ARSG: variants seen among roughly 807,000 people sequenced by gnomAD.
ARSG encodes the protein arylsulfatase G, also known as ASG.
In ARSG, 37 loss-of-function variants were observed where a neutral mutation model predicts 50.5. The ratio of observed to expected loss-of-function variants is 0.73; its 90% CI spans 0.56 to 0.96. ARSG has a LOEUF of 0.96. Among genes scored for constraint, ARSG ranks in the 50% least tolerant of loss-of-function variants. The probability of loss-of-function intolerance (pLI) is 0.00; values close to 1 mark genes in which losing one functional copy is unlikely to be tolerated. For missense variants in ARSG, 629 were observed against 675.3 expected, an observed-to-expected ratio of 0.93 and a Z score of 0.76; for synonymous variants, 225 against 254.6, an observed-to-expected ratio of 0.88 and a Z score of 1.11.
intron 6 of ARSG, among the ~76,000 whole-genome samples, chr17:68,363,218 T>C (rs1368045388): frequency 1.3e-5 from 2 of 152,114 alleles, no homozygotes; most frequent in African/African-American, 4.8e-5. Flanking sequence ...GGCTTTGGAA[T>C]TGGATCTTAA....
chr17:68,301,521 C>T (rs1555761882), intron 1 of ARSG, among the ~76,000 whole-genome samples: 2 of 152,298 alleles, frequency 1.3e-5, no homozygotes, highest in South Asian at 2.1e-4. Flanking sequence ...TTGCTTGTCT[C>T]GCTCTAGCAC....
intron 2 of ARSG, among the ~76,000 whole-genome samples, chr17:68,333,487 G>C (rs1366015265): frequency 6.6e-6 from 1 of 152,050 alleles, no homozygotes; most frequent in African/African-American, 2.4e-5. Context: ...AATTAGCCGA[G>C]CATGGTGGTG....
chr17:68,343,514 G>C (rs1042868873), intron 2 of ARSG, 90 bp from the exon 3 acceptor site: 2 of 1,259,722 alleles, frequency 1.6e-6, no homozygotes, highest in Non-Finnish European at 2.2e-6. Context: ...TTTGAGCACT[G>C]AAATTGCAGG....
At chr17:68,313,344 A>C (rs1436729088) in intron 2 of ARSG, among the ~76,000 whole-genome samples, 6 of 152,158 alleles carry the variant, frequency 3.9e-5, no homozygotes, top group Non-Finnish European at 7.4e-5. Flanking sequence ...CAAGGTTATG[A>C]CTGAAGGCTC....
chr17:68,398,423 A>G (rs970104672), intron 10 of ARSG, among the ~76,000 whole-genome samples: 1 of 152,256 alleles, frequency 6.6e-6, no homozygotes, highest in Non-Finnish European at 1.5e-5. Context: ...ATATCAATAT[A>G]CACATACATA....
intron 1 of ARSG, chr17:68,268,414 A>T (rs1819775133): frequency 1.5e-5 from 2 of 135,042 alleles, no homozygotes; most frequent in Admixed American, 1.7e-4. Flanking sequence ...CTTCACATTT[A>T]TGAAGTTCAA....
chr17:68,308,778 T>G (rs2076715844), intron 2 of ARSG, among the ~76,000 whole-genome samples: 1 of 152,190 alleles, frequency 6.6e-6, no homozygotes, highest in South Asian at 2.1e-4. Context: ...CCGATTGGTG[T>G]ATTTACAATC....
intron 1 of ARSG, among the ~76,000 whole-genome samples, chr17:68,284,221 T>G (rs1448341249): frequency 6.7e-6 from 1 of 149,892 alleles, no homozygotes; most frequent in Non-Finnish European, 1.5e-5. Flanking sequence ...GCCAACATGG[T>G]GAAACCCGGT....
chr17:68,316,297 C>T (rs564866871), intron 2 of ARSG, among the ~76,000 whole-genome samples: 12 of 152,264 alleles, frequency 7.9e-5, no homozygotes, highest in African/African-American at 2.9e-4. Context: ...CCATGCACAT[C>T]TCCTACCCAT....
At chr17:68,326,754 T>G (rs2145938430) in intron 2 of ARSG, among the ~76,000 whole-genome samples, 1 of 152,280 alleles carries the variant, frequency 6.6e-6, no homozygotes, top group Non-Finnish European at 1.5e-5. Flanking sequence ...GGGGAGTTGA[T>G]GCCAAACGGG....
At chr17:68,264,721 G>A (rs1339042300) in intron 1 of ARSG, among the ~76,000 whole-genome samples, 1 of 152,066 alleles carries the variant, frequency 6.6e-6, no homozygotes, top group African/African-American at 2.4e-5. Flanking sequence ...ACAGGCGTGA[G>A]CCACTGCACC....
intron 11 of ARSG, among the ~76,000 whole-genome samples, chr17:68,415,283 GAT>G (rs2082296389): frequency 6.6e-6 from 1 of 152,158 alleles, no homozygotes; most frequent in Non-Finnish European, 1.5e-5. Flanking sequence ...TTGACTCAAT[GAT>G]CATTTAGGAG....
the ARSG span, chr17:68,440,657 A>C: frequency 6.6e-6 from 1 of 151,874 alleles, no homozygotes; most frequent in South Asian, 2.1e-4. Context: ...AGTCACTGGC[A>C]GCTATAATTC....
intron 2 of ARSG, among the ~76,000 whole-genome samples, chr17:68,321,951 CAG>C (rs1184923340): frequency 2.0e-5 from 3 of 152,066 alleles, no homozygotes; most frequent in Admixed American, 6.6e-5. Context: ...TAAATGGAGA[CAG>C]TGGCCAGGAG....
chr17:68,375,152 G>A (rs368961913), intron 8 of ARSG, among the ~76,000 whole-genome samples: 6 of 152,270 alleles, frequency 3.9e-5, no homozygotes, highest in African/African-American at 1.4e-4. Flanking sequence ...GACCCAAGAG[G>A]GCTGGGTTGC....
At chr17:68,392,645 G>A (rs543990533) in intron 9 of ARSG, among the ~76,000 whole-genome samples, 52 of 152,204 alleles carry the variant, frequency 3.4e-4, no homozygotes, top group African/African-American at 1.1e-3. Flanking sequence ...GATTACAGGC[G>A]TGTGCCACCA....
chr17:68,299,189 C>T (rs2076321375), intron 1 of ARSG, among the ~76,000 whole-genome samples: 1 of 149,538 alleles, frequency 6.7e-6, no homozygotes, highest in African/African-American at 2.5e-5. Flanking sequence ...ACTGCAACCT[C>T]CGTCTCCTGG....
downstream of ARSG, chr17:68,422,023 T>TA: frequency 1.7e-6 from 1 of 605,786 alleles, no homozygotes; most frequent in Non-Finnish European, 3.0e-6. Context: ...TTCTAGAAAA[T>TA]ACTGACTATA....
intron 1 of ARSG, among the ~76,000 whole-genome samples, chr17:68,265,166 A>G (rs575486371): frequency 1.7e-3 from 264 of 151,214 alleles, no homozygotes; most frequent in African/African-American, 5.8e-3. Flanking sequence ...GAAAAAAAAA[A>G]AAAAAAGAAA....
Sources: gnomAD v4.1 joint callset for allele counts (sites outside exome capture counted in the v4.1 genomes callset) on GRCh38, gnomAD v4.1.1 for gene constraint, MANE v1.5 for transcripts, NCBI Gene and HGNC (gene_info 2026-07-23, HGNC 2026-07-21) for gene names.